LTAP1: variants seen among roughly 807,000 people sequenced by gnomAD.
LTAP1 encodes HCV NS5A-transactivated protein 4.
chr1:154,209,731 C>A, the LTAP1 span, among the ~76,000 whole-genome samples: 1 of 151,806 alleles, frequency 6.6e-6, no homozygotes, highest in African/African-American at 2.4e-5. Flanking sequence ...GGACTACAGG[C>A]ACCCGCCACC....
chr1:154,213,966 T>G, the LTAP1 span: 18 of 1,609,470 alleles, frequency 1.1e-5, no homozygotes, highest in East Asian at 3.8e-4. Context: ...AAAAGACTGG[T>G]GTTAGGCATA....
chr1:154,212,177 G>A, the LTAP1 span: 2 of 921,296 alleles, frequency 2.2e-6, no homozygotes, highest in South Asian at 2.7e-5. Context: ...TCTAATGTAA[G>A]AGACTGATCT....
At chr1:154,217,212 G>A in the LTAP1 span, among the ~76,000 whole-genome samples, 1 of 152,086 alleles carries the variant, frequency 6.6e-6, no homozygotes, top group Non-Finnish European at 1.5e-5. Flanking sequence ...GCCTCCCAAA[G>A]TGCTGGGATT....
At chr1:154,208,871 C>A in the LTAP1 span, among the ~76,000 whole-genome samples, 4 of 152,036 alleles carry the variant, frequency 2.6e-5, no homozygotes, top group African/African-American at 9.7e-5. Context: ...CTCGGCCTCC[C>A]GAGTAGCTGG....
chr1:154,212,416 C>G, the LTAP1 span: 2 of 1,613,950 alleles, frequency 1.2e-6, no homozygotes, highest in African/African-American at 2.7e-5. Flanking sequence ...ATCTCTCAGT[C>G]TGAGGGATCT....
chr1:154,213,999 TG>T, the LTAP1 span: 9,668 of 1,533,442 alleles, frequency 6.3e-3, 398 homozygotes, highest in African/African-American at 0.1. Context: ...TTCCCCAGGC[TG>T]GGCGTGGTGG....
chr1:154,212,948 C>T, the LTAP1 span, among the ~76,000 whole-genome samples: 1 of 152,130 alleles, frequency 6.6e-6, no homozygotes, highest in Admixed American at 6.5e-5. Flanking sequence ...GTTGGGATTA[C>T]AGGCATGAGC....
the LTAP1 span, among the ~76,000 whole-genome samples, chr1:154,215,256 T>C: frequency 6.6e-6 from 1 of 152,012 alleles, no homozygotes; most frequent in Admixed American, 6.6e-5. Context: ...GTCAAATTCA[T>C]GGTATACAAA....
the LTAP1 span, among the ~76,000 whole-genome samples, chr1:154,209,591 G>A: frequency 1.3e-5 from 2 of 150,816 alleles, no homozygotes; most frequent in African/African-American, 4.9e-5. Context: ...ACCACTCCCA[G>A]CTAATTTTTT....
the LTAP1 span, among the ~76,000 whole-genome samples, chr1:154,217,433 T>TA: frequency 6.6e-6 from 1 of 152,214 alleles, no homozygotes; most frequent in Admixed American, 6.5e-5. Flanking sequence ...TGATGTACTC[T>TA]TTTACAGTTC....
At chr1:154,214,695 G>A in the LTAP1 span, 2 of 640,080 alleles carry the variant, frequency 3.1e-6, no homozygotes, top group Non-Finnish European at 5.4e-6. Context: ...TGCTCATGTA[G>A]TTAATAAAAT....
chr1:154,218,494 C>G, the LTAP1 span, among the ~76,000 whole-genome samples: 1 of 152,188 alleles, frequency 6.6e-6, no homozygotes, highest in East Asian at 1.9e-4. Context: ...CCAGGACATC[C>G]TCCTAGAGCC....
chr1:154,214,869 G>A, the LTAP1 span, among the ~76,000 whole-genome samples: 1 of 144,104 alleles, frequency 6.9e-6, no homozygotes, highest in African/African-American at 2.6e-5. Flanking sequence ...TTTTGAGACA[G>A]AGTCTTGCTC....
At chr1:154,216,890 CA>C in the LTAP1 span, among the ~76,000 whole-genome samples, 1 of 152,072 alleles carries the variant, frequency 6.6e-6, no homozygotes, top group Non-Finnish European at 1.5e-5. Flanking sequence ...CTGACGTGAT[CA>C]GCCTGCCTCG....
At chr1:154,218,938 A>G in the LTAP1 span, among the ~76,000 whole-genome samples, 1 of 152,232 alleles carries the variant, frequency 6.6e-6, no homozygotes, top group African/African-American at 2.4e-5. Context: ...TGGAAGTAAC[A>G]TTTAAGCTAA....
the LTAP1 span, among the ~76,000 whole-genome samples, chr1:154,208,182 G>A: frequency 1.3e-5 from 2 of 151,950 alleles, no homozygotes; most frequent in Non-Finnish European, 2.9e-5. Context: ...GCCAGAGATC[G>A]CTTGAGCCCA....
chr1:154,216,869 G>C, the LTAP1 span, among the ~76,000 whole-genome samples: 1 of 151,116 alleles, frequency 6.6e-6, no homozygotes, highest in Non-Finnish European at 1.5e-5. Context: ...CGCTGGTCTC[G>C]AACTCCTGAG....
At chr1:154,215,731 A>C in the LTAP1 span, among the ~76,000 whole-genome samples, 1 of 152,248 alleles carries the variant, frequency 6.6e-6, no homozygotes, top group Non-Finnish European at 1.5e-5. Context: ...CATAAGATAC[A>C]CAAAATACAG....
chr1:154,214,475 C>G, the LTAP1 span: 1 of 1,612,874 alleles, frequency 6.2e-7, no homozygotes, highest in South Asian at 1.1e-5. Context: ...CCCTGGGTTT[C>G]CAGTTGTAGT....
Sources: gnomAD v4.1 joint callset for allele counts (sites outside exome capture counted in the v4.1 genomes callset) on GRCh38, gnomAD v4.1.1 for gene constraint, MANE v1.5 for transcripts, NCBI Gene and HGNC (gene_info 2026-07-23, HGNC 2026-07-21) for gene names.